Variants in CDH13 observed in about 807,000 individuals in gnomAD.
CDH13 encodes cadherin 13, also known as cadherin-13.
In CDH13, 24 loss-of-function variants were observed where a neutral mutation model predicts 63.8. That is an observed-to-expected ratio of 0.38 (90% CI 0.27 to 0.53). The LOEUF is 0.53. CDH13 is among the 20% of genes least tolerant of loss of function. The pLI is 0.85. For synonymous variants in CDH13, 503 were observed against 355.3 expected (o/e 1.42, Z -4.67); for missense variants, 1,049 against 903.1 (o/e 1.16, Z -2.07).
At chr16:83,576,366 A>G (rs1459732135) in intron 7 of CDH13, among the ~76,000 whole-genome samples, 1 of 152,038 alleles carries the variant, frequency 6.6e-6, no homozygotes, top group East Asian at 1.9e-4. Flanking sequence ...GCTGAATAAT[A>G]TTTTCTTGTA....
intron 3 of CDH13, among the ~76,000 whole-genome samples, chr16:83,124,890 T>G (rs980360291): frequency 2.0e-5 from 3 of 152,236 alleles, no homozygotes; most frequent in Non-Finnish European, 2.9e-5. Flanking sequence ...TCTAGATTTA[T>G]ACCAGTACCA....
intron 1 of CDH13, among the ~76,000 whole-genome samples, chr16:82,820,276 A>G (rs79595173): frequency 0.014 from 2,179 of 152,326 alleles, 50 homozygotes; most frequent in African/African-American, 0.05. Context: ...CACAATGGGT[A>G]CTGAGTACAC....
intron 1 of CDH13, among the ~76,000 whole-genome samples, chr16:82,743,731 T>TCCA (rs2034038391): frequency 2.6e-5 from 4 of 152,220 alleles, no homozygotes; most frequent in Non-Finnish European, 5.9e-5. Flanking sequence ...TCCCCCACTG[T>TCCA]TAATGTTTTC....
At chr16:83,487,690 C>T (rs1007302048) in intron 7 of CDH13, among the ~76,000 whole-genome samples, 18 of 151,970 alleles carry the variant, frequency 1.2e-4, no homozygotes, top group Admixed American at 2.0e-4. Context: ...CATCATCCCA[C>T]AGGCGTGGGG....
chr16:83,137,846 C>T (rs1041142696), intron 4 of CDH13, among the ~76,000 whole-genome samples: 4 of 150,806 alleles, frequency 2.7e-5, no homozygotes, highest in African/African-American at 7.3e-5. Context: ...GGGAAAGAGA[C>T]CAATAAAGTG....
chr16:83,461,011 A>ACACG (rs1339202269), intron 6 of CDH13, among the ~76,000 whole-genome samples: 1 of 151,226 alleles, frequency 6.6e-6, no homozygotes, highest in East Asian at 1.9e-4. Flanking sequence ...ACACACACAC[A>ACACG]CACACACACA....
At chr16:82,888,484 G>C (rs555427077) in intron 2 of CDH13, among the ~76,000 whole-genome samples, 110 of 152,298 alleles carry the variant, frequency 7.2e-4, no homozygotes, top group African/African-American at 2.5e-3. Context: ...CTCTGTCCCT[G>C]CTGCCTCTGG....
chr16:83,394,013 G>T (rs974899218), intron 6 of CDH13, among the ~76,000 whole-genome samples: 1 of 152,108 alleles, frequency 6.6e-6, no homozygotes, highest in African/African-American at 2.4e-5. Flanking sequence ...TCCAAATACC[G>T]CCTGTTCTCG....
intron 1 of CDH13, among the ~76,000 whole-genome samples, chr16:82,857,582 A>G (rs2039754921): frequency 6.6e-6 from 1 of 152,218 alleles, no homozygotes; most frequent in African/African-American, 2.4e-5. Context: ...TGACCGCTGG[A>G]TGAAGTGTCT....
chr16:83,525,384 C>T (rs1482286984), intron 7 of CDH13, among the ~76,000 whole-genome samples: 1 of 152,226 alleles, frequency 6.6e-6, no homozygotes, highest in Non-Finnish European at 1.5e-5. Flanking sequence ...TATAACTTGC[C>T]TGTGGTCACA....
intron 6 of CDH13, among the ~76,000 whole-genome samples, chr16:83,364,692 T>C (rs1452265037): frequency 6.6e-6 from 1 of 152,186 alleles, no homozygotes; most frequent in Non-Finnish European, 1.5e-5. Flanking sequence ...AATGTTTCTT[T>C]TATAGATGTT....
chr16:82,677,953 C>T (rs567627644), intron 1 of CDH13, among the ~76,000 whole-genome samples: 34 of 152,238 alleles, frequency 2.2e-4, no homozygotes, highest in African/African-American at 8.2e-4. Context: ...GTTGGAAAAG[C>T]GTCTGAAGAT....
rs1491560033 is a variant in CDH13, at chr16:82,700,974, C to CCCCCCCCG, written c.45+73837_45+73838insCCCCCCCG. ...GAACCCGCCCCCCCCCCCCCCCCCC[C>CCCCCCCCG]GCCCCGGGCATCTCCAAACTGCTGT... On this transcript the variant is annotated intron_variant, in intron 1 of 13. Transcript: ENST00000567109. 1.3e-4 allele frequency among the ~76,000 whole-genome samples: 5 copies of CCCCCCCCG among 39,652 alleles called. 2 individuals are homozygous for CCCCCCCCG. The highest frequency in any genetic ancestry group is 3.6e-4 in the Non-Finnish European group (5 of 13,818). The allele number at this position is 39,652 out of a possible 152,430, so 26.0% of individuals were successfully genotyped here.
intron 2 of CDH13, among the ~76,000 whole-genome samples, chr16:82,892,967 G>C (rs2041132891): frequency 6.6e-6 from 1 of 152,242 alleles, no homozygotes; most frequent in East Asian, 1.9e-4. Context: ...TAAAAAAATT[G>C]TGACCTGTGA....
rs774009723 is a variant in CDH13 at position 82,644,670 on chromosome 16, G to T, written c.45+17533G>T. Among the ~76,000 whole-genome samples, 1 of 152,132 alleles carries T rather than the reference G, an allele frequency of 6.6e-6. No individual in the cohort carries two copies. The highest frequency in any genetic ancestry group is 2.4e-5 in the African/African-American group (1 of 41,426). ...CGCTTTGGGCTGGGGCAGAAGTCAG[G>T]ACTTGAACTGGCTCTGGCTGGGACC... On this transcript the variant is annotated intron_variant, in intron 1 of 13. Transcript: ENST00000567109. The surrounding 1 kb of genome is among the most constrained non-coding windows in gnomAD (Gnocchi z 5.7).
At chr16:82,851,443 AAT>A (rs1491013560) in intron 1 of CDH13, among the ~76,000 whole-genome samples, 1 of 21,984 alleles carries the variant, frequency 4.5e-5, no homozygotes, top group Non-Finnish European at 1.2e-4. Context: ...TCAAAAAAAA[AAT>A]AAAAAGAAAA....
intron 7 of CDH13, among the ~76,000 whole-genome samples, chr16:83,531,816 C>T (rs572455866): frequency 8.6e-4 from 131 of 152,268 alleles, no homozygotes; most frequent in Middle Eastern, 3.4e-3. Context: ...GGATTTTGGA[C>T]TCCTGGCCTC....
chr16:82,788,628 A>T (rs1369929296), intron 1 of CDH13, among the ~76,000 whole-genome samples: 1 of 152,188 alleles, frequency 6.6e-6, no homozygotes, highest in African/African-American at 2.4e-5. Context: ...ATTTGTATGA[A>T]ATTACCCCTC....
chr16:82,931,798 T>G (rs528385614), intron 2 of CDH13, among the ~76,000 whole-genome samples: 3 of 152,208 alleles, frequency 2.0e-5, no homozygotes, highest in Non-Finnish European at 4.4e-5. Flanking sequence ...AAGAGAACAG[T>G]ATGGAGGAAA....
Sources: allele counts gnomAD v4.1 joint callset (sites outside exome capture counted in the v4.1 genomes callset), GRCh38; gene constraint gnomAD v4.1.1; non-coding constraint Gnocchi (gnomAD v3.1); transcripts MANE v1.5; gene names NCBI Gene and HGNC (gene_info 2026-07-23, HGNC 2026-07-21).